UROC1: variants seen among roughly 807,000 people sequenced by gnomAD.
UROC1 encodes the protein urocanate hydratase.
Under a neutral mutation model 89.5 loss-of-function variants are expected in UROC1, and 79 were observed. The observed-to-expected ratio is 0.88, with a 90% CI of 0.74 to 1.06. The LOEUF is 1.06. UROC1 is among the 50% of genes least tolerant of loss of function. The pLI, the probability that UROC1 is intolerant of heterozygous loss-of-function variation, is 0.00. For synonymous variants in UROC1, 361 were observed against 354.8 expected, an observed-to-expected ratio of 1.02 and a Z score of -0.20; for missense variants, 885 against 907.8, an observed-to-expected ratio of 0.97 and a Z score of 0.32.
At chr3:126,501,353 A>C (rs1449695207) in intron 9 of UROC1, 73 bp from the exon 10 acceptor site, 1 of 1,566,636 alleles carries the variant, frequency 6.4e-7, no homozygotes, top group Admixed American at 1.7e-5. Context: ...CCTGCACCCC[A>C]GCTGCACACA....
At chr3:126,501,685 C>A (rs1411224055) in intron 9 of UROC1, 2 of 1,290,522 alleles carry the variant, frequency 1.5e-6, no homozygotes, top group East Asian at 2.4e-5. Flanking sequence ...AAAATCAAAG[C>A]ATATTTTGGG....
rs921772792 is a variant in UROC1, at chr3:126,481,278, G to A, written c.*1067C>T. 2.0e-5 allele frequency: 3 copies of A among 152,220 alleles called. No homozygotes were observed. The highest frequency in any genetic ancestry group is 2.9e-5 in the Non-Finnish European group (2 of 68,054). 9.4% of individuals were successfully genotyped at this position (152,220 alleles called of 1,614,324 possible). On this transcript the variant is annotated 3_prime_UTR_variant, in exon 20 of 20. Transcript: ENST00000290868. ...GCCAACAGTCCCTCCTAACAGCAAG[G>A]AAGGCTGGAGAATCAGGTGGTTTTA...
chr3:126,509,611 T>G lies in UROC1; in HGVS notation c.325A>C (p.Asn109His), dbSNP rs1000061005. The change falls in exon 3 of 20, where the codon AAC becomes CAC. Residue 109 changes from asparagine to histidine, a missense_variant. By Grantham distance (68) the Asn-to-His change is moderately conservative. Coordinates refer to ENST00000290868, the MANE Select transcript of UROC1 (RefSeq NM_144639.3). The stretch of plus-strand genomic sequence containing the variant: ...TGGGCCACGGCAGGATCCAGGTTGT[T>G]CATAATCATGTGCATGATGGCGGCA... ...VAAAIMHMIM[N>H]NLDPAVAQFP... The G allele has an allele frequency of 1.3e-6, 2 of 1,551,942 alleles. No homozygotes were observed. The highest frequency in any genetic ancestry group is 2.7e-5 in the African/African-American group (2 of 73,130).
intron 5 of UROC1, 59 bp downstream of exon 5, chr3:126,507,908 C>G: frequency 6.2e-7 from 1 of 1,612,802 alleles, no homozygotes. Flanking sequence ...TTCTTTCCAG[C>G]GTCTGCACCC....
intron 16 of UROC1, among the ~76,000 whole-genome samples, 160 bp downstream of exon 16, chr3:126,492,258 T>A (rs1050139165): frequency 1.3e-5 from 2 of 152,152 alleles, no homozygotes; most frequent in Non-Finnish European, 2.9e-5. Flanking sequence ...GAGGGGCTGG[T>A]CCACTGCTCC....
chr3:126,509,154 T>C (rs1936136977), intron 3 of UROC1, among the ~76,000 whole-genome samples: 1 of 151,600 alleles, frequency 6.6e-6, no homozygotes, highest in South Asian at 2.1e-4. Context: ...GAGGATCACT[T>C]GAGCCCCGGA....
intron 9 of UROC1, among the ~76,000 whole-genome samples, 177 bp downstream of exon 9, chr3:126,503,818 C>CGTGT (rs145913960): frequency 2.0e-5 from 3 of 151,622 alleles, no homozygotes; most frequent in South Asian, 2.1e-4. Context: ...CCCTTGTGTG[C>CGTGT]GTGTGTGTGT....
At chr3:126,498,201 G>T (rs770280219) in intron 13 of UROC1, 29 bp from the exon 14 acceptor site, 4 of 1,613,714 alleles carry the variant, frequency 2.5e-6, no homozygotes, top group Admixed American at 3.3e-5. Context: ...CCTCACCCTG[G>T]GCCCGCTGGC....
At chr3:126,500,949 A>G (rs906555541) in intron 10 of UROC1, 75 bp from the exon 11 acceptor site, 26 of 1,572,114 alleles carry the variant, frequency 1.7e-5, no homozygotes, top group Non-Finnish European at 2.2e-5. Flanking sequence ...CCAGGTGGGG[A>G]CCCTAGCACA....
chr3:126,510,691 T>C lies in UROC1; in HGVS notation c.230A>G (p.Tyr77Cys), dbSNP rs1046405146. 1.2e-6 allele frequency: 2 copies of C among 1,614,056 alleles called. No individual in the cohort carries two copies. Among genetic ancestry groups the C allele is most frequent in the Non-Finnish European group, 1.7e-6 (2 of 1,180,052 alleles). Reference protein sequence around the residue: ...ELQLYGHIYMYRFCPDIEMRA... With the variant: ...ELQLYGHIYMCRFCPDIEMRA... ...CATTTCAATGTCGGGGCAAAACCGG[T>C]ACATGTAGATGTGTCCGTACAGTTG... The change falls in exon 2 of 20, where the codon TAC becomes TGC. Residue 77 changes from tyrosine to cysteine, a missense_variant. Physicochemically the swap from Tyr to Cys is radical, Grantham distance 194. Transcript: ENST00000290868.
intron 1 of UROC1, among the ~76,000 whole-genome samples, chr3:126,515,216 C>T (rs1389508803): frequency 6.6e-6 from 1 of 152,066 alleles, no homozygotes; most frequent in African/African-American, 2.4e-5. Flanking sequence ...GCCGCAGGGC[C>T]CTCCCTGAGC....
At chr3:126,491,445 C>T (rs1377516394) in intron 16 of UROC1, among the ~76,000 whole-genome samples, 4 of 152,234 alleles carry the variant, frequency 2.6e-5, no homozygotes, top group Non-Finnish European at 5.9e-5. Flanking sequence ...GACCGCAGCC[C>T]GGGGCGAGTG....
At chr3:126,489,485 T>C in intron 16 of UROC1, 110 bp from the exon 17 acceptor site, 2 of 834,240 alleles carry the variant, frequency 2.4e-6, no homozygotes, top group Non-Finnish European at 4.1e-6. Context: ...TTTCTCCTCC[T>C]GGAAAATAGA....
chr3:126,508,600 G>A (rs993007803), intron 3 of UROC1, 125 bp from the exon 4 acceptor site: 1 of 740,054 alleles, frequency 1.4e-6, no homozygotes, highest in African/African-American at 1.8e-5. Context: ...CCAGAAGGGT[G>A]AGGCCCAGGG....
intron 16 of UROC1, among the ~76,000 whole-genome samples, chr3:126,491,177 G>A (rs535838853): frequency 5.5e-4 from 84 of 152,134 alleles, no homozygotes; most frequent in Non-Finnish European, 1.1e-3. Context: ...TCAGCTCAAC[G>A]TTAGCAACTC....
At chr3:126,496,461 G>A (rs964133324) in intron 14 of UROC1, among the ~76,000 whole-genome samples, 1 of 152,266 alleles carries the variant, frequency 6.6e-6, no homozygotes, top group African/African-American at 2.4e-5. Flanking sequence ...CCCCAGGATG[G>A]TGGATGCGGG....
chr3:126,498,217 G>A, intron 13 of UROC1, 45 bp from the exon 14 acceptor site: 1 of 1,613,186 alleles, frequency 6.2e-7, no homozygotes, highest in Non-Finnish European at 8.5e-7. Context: ...CTGGCTTGTT[G>A]GGGGAGGGGG....
intron 18 of UROC1, among the ~76,000 whole-genome samples, chr3:126,486,998 C>T (rs1445094083): frequency 1.3e-5 from 2 of 152,254 alleles, no homozygotes; most frequent in Non-Finnish European, 1.5e-5. Flanking sequence ...TCTGGTCAGT[C>T]TGTGTCCCTG....
chr3:126,484,868 C>T (rs919145550), intron 18 of UROC1, among the ~76,000 whole-genome samples: 1 of 152,210 alleles, frequency 6.6e-6, no homozygotes, highest in African/African-American at 2.4e-5. Flanking sequence ...CATGCCCAGG[C>T]CTGAGCACTC....
Sources: gnomAD v4.1 joint callset for allele counts (sites outside exome capture counted in the v4.1 genomes callset) on GRCh38, gnomAD v4.1.1 for gene constraint, MANE v1.5 for transcripts, NCBI Gene and HGNC (gene_info 2026-07-23, HGNC 2026-07-21) for gene names.